The following SLC26A7 variants were observed in gnomAD, a reference collection of about 807,000 sequenced individuals.
SLC26A7 encodes the protein solute carrier family 26 member 7.
A neutral mutation model predicts 82.5 loss-of-function variants in SLC26A7; 59 were observed. The ratio of observed to expected loss-of-function variants is 0.72; its 90% CI spans 0.58 to 0.89. The LOEUF (loss-of-function observed/expected upper bound fraction) is 0.89. SLC26A7 is among the 40% of genes least tolerant of loss of function. The probability of loss-of-function intolerance (pLI) is 0.00; values close to 1 mark genes in which losing one functional copy is unlikely to be tolerated. For synonymous variants in SLC26A7, 271 were observed against 274.3 expected, an observed-to-expected ratio of 0.99 and a Z score of 0.12; for missense variants, 820 against 793.0, an observed-to-expected ratio of 1.03 and a Z score of -0.41.
intron 4 of SLC26A7, among the ~76,000 whole-genome samples, chr8:91,309,134 T>C (rs1327282317): frequency 6.6e-6 from 1 of 152,038 alleles, no homozygotes; most frequent in East Asian, 1.9e-4. Flanking sequence ...TATGTTTAAT[T>C]ATACAGCAAA....
chr8:91,266,619 A>G (rs1189398196), intron 2 of SLC26A7, among the ~76,000 whole-genome samples: 3 of 151,842 alleles, frequency 2.0e-5, no homozygotes, highest in African/African-American at 7.3e-5. Context: ...GAATTCATTT[A>G]TTAGTTCTAA....
At chr8:91,263,594 G>T (rs1338158407) in intron 2 of SLC26A7, among the ~76,000 whole-genome samples, 1 of 151,950 alleles carries the variant, frequency 6.6e-6, no homozygotes, top group Non-Finnish European at 1.5e-5. Flanking sequence ...CCTGTGTTGG[G>T]CCATAAGCTC....
chr8:91,393,881 T>C, intron 17 of SLC26A7, 30 bp downstream of exon 17: 3 of 1,613,472 alleles, frequency 1.9e-6, no homozygotes, highest in Non-Finnish European at 2.5e-6. Flanking sequence ...TAACGTTGAA[T>C]GTGATTTTTC....
intron 4 of SLC26A7, among the ~76,000 whole-genome samples, chr8:91,309,894 T>C (rs1812430382): frequency 6.6e-6 from 1 of 152,164 alleles, no homozygotes; most frequent in Admixed American, 6.5e-5. Flanking sequence ...TGGAGTCATA[T>C]GCATGCTAAC....
At chr8:91,330,624 T>G (rs759710486) in intron 5 of SLC26A7, among the ~76,000 whole-genome samples, 42 of 151,978 alleles carry the variant, frequency 2.8e-4, no homozygotes, top group Non-Finnish European at 5.1e-4. Flanking sequence ...CAAATAGAAA[T>G]GAGGTTATAA....
chr8:91,359,562 A>C (rs1234021120), intron 11 of SLC26A7, among the ~76,000 whole-genome samples: 2 of 152,198 alleles, frequency 1.3e-5, no homozygotes, highest in East Asian at 3.8e-4. Context: ...ATATGGTGTG[A>C]GAAAGGTGAC....
At chr8:91,389,597 A>T (rs1231258793) in intron 16 of SLC26A7, among the ~76,000 whole-genome samples, 159 bp downstream of exon 16, 1 of 152,102 alleles carries the variant, frequency 6.6e-6, no homozygotes, top group Non-Finnish European at 1.5e-5. Context: ...ATCACTGTAG[A>T]TTTGTTTTCA....
intron 4 of SLC26A7, among the ~76,000 whole-genome samples, chr8:91,299,291 A>G (rs905914327): frequency 3.3e-5 from 5 of 152,150 alleles, no homozygotes; most frequent in African/African-American, 1.2e-4. Context: ...ATGCAAATTT[A>G]AAAAATTGTG....
rs560349620 is a variant in SLC26A7 at position 91,302,466 on chromosome 8, T to C, written c.477+6763T>C. Among the ~76,000 whole-genome samples the C allele has an allele frequency of 5.9e-5, 9 of 152,246 alleles. No homozygotes were observed. In the South Asian group the frequency reaches 1.7e-3, roughly 28 times the overall value. ...TTCTCTGTTACCATTTGATTTATAT[T>C]GCTAGTATAAACAAAGTGCACTTAT... On this transcript the variant is annotated intron_variant, in intron 4 of 18. Coordinates refer to ENST00000276609, the MANE Select transcript of SLC26A7 (RefSeq NM_052832.4).
chr8:91,377,925 G>A (rs536468522), intron 15 of SLC26A7, among the ~76,000 whole-genome samples: 12 of 151,950 alleles, frequency 7.9e-5, no homozygotes, highest in Middle Eastern at 3.4e-3. Flanking sequence ...AAACTTTGAC[G>A]TAGTTTTTGA....
chr8:91,394,354 C>A lies in SLC26A7; in HGVS notation c.1935+315C>A. On this transcript the variant is annotated intron_variant, in intron 18 of 18. Transcript: ENST00000276609. The stretch of plus-strand genomic sequence containing the variant: ...CTTCCAGGATCTACTGTCCTGGGGA[C>A]TTGAATCCACCTTTCTCAAATATAA... The A allele has an allele frequency of 2.6e-6, 4 of 1,565,682 alleles. No homozygotes were observed. In the South Asian group the frequency reaches 3.5e-5, roughly 14 times the overall value.
chr8:91,322,499 GTTTAATTC>G (rs1812819949), intron 5 of SLC26A7, among the ~76,000 whole-genome samples: 1 of 152,074 alleles, frequency 6.6e-6, no homozygotes, highest in African/African-American at 2.4e-5. Flanking sequence ...AGAAGAAAAA[GTTTAATTC>G]TTATTTACAA....
Position 91,393,855 on chromosome 8 carries a change from A to G in SLC26A7, c.1831+4A>G. 6.2e-7 allele frequency: 1 copy of G among 1,613,686 alleles called. No individual in the cohort carries two copies. The highest frequency in any genetic ancestry group is 8.5e-7 in the Non-Finnish European group (1 of 1,179,614). On this transcript the variant is annotated splice_donor_region_variant and intron_variant, in intron 17 of 18. Transcript: ENST00000276609. ...GTATTGTTAGCCCATTGTACAGGTAAGAGAATGTCCCTGACTAACGTTGAA... is the reference window on the plus strand; with the variant it reads ...GTATTGTTAGCCCATTGTACAGGTAGGAGAATGTCCCTGACTAACGTTGAA...
intron 2 of SLC26A7, among the ~76,000 whole-genome samples, chr8:91,284,442 G>A (rs1811657103): frequency 6.6e-6 from 1 of 152,150 alleles, no homozygotes; most frequent in Non-Finnish European, 1.5e-5. Context: ...ATTAAATTGT[G>A]TTTCTTTTTG....
rs966188792 is a variant in SLC26A7 at position 91,249,561 on chromosome 8, C to T, written c.-91C>T. ...CAGCTTTGACATTGTAAACCACAGA[C>T]GAATTGGAGCTTGGCATTGAAAGGA... On this transcript the variant is annotated 5_prime_UTR_variant, in exon 2 of 19. The change creates a new upstream start codon in the 5' untranslated region. Coordinates refer to ENST00000276609, the MANE Select transcript of SLC26A7 (RefSeq NM_052832.4). 10 of 1,036,530 alleles carry T rather than the reference C, an allele frequency of 9.6e-6. No homozygotes were observed. The highest frequency in any genetic ancestry group is 1.3e-5 in the Non-Finnish European group (10 of 759,008). The allele number at this position is 1,036,530 out of a possible 1,614,324, so 64.2% of individuals were successfully genotyped here.
At chr8:91,228,831 A>G (rs764224740) in intron 2 of SLC26A7, among the ~76,000 whole-genome samples, 3 of 152,204 alleles carry the variant, frequency 2.0e-5, no homozygotes, top group Non-Finnish European at 4.4e-5. Flanking sequence ...TGCGTTTAAA[A>G]TGTTTTAAAA....
At chr8:91,296,244 A>G (rs1475963383) in intron 4 of SLC26A7, among the ~76,000 whole-genome samples, 1 of 152,214 alleles carries the variant, frequency 6.6e-6, no homozygotes, top group Admixed American at 6.5e-5. Context: ...GCTACAGTCT[A>G]TTTCTTCAAA....
At chr8:91,260,114 T>C (rs1006794738) in intron 2 of SLC26A7, among the ~76,000 whole-genome samples, 1 of 152,250 alleles carries the variant, frequency 6.6e-6, no homozygotes, top group South Asian at 2.1e-4. Flanking sequence ...AAGAAATACC[T>C]GAGACTGGGT....
upstream of SLC26A7, among the ~76,000 whole-genome samples, chr8:91,246,812 A>G (rs149288215): frequency 2.9e-3 from 438 of 152,252 alleles, 2 homozygotes; most frequent in African/African-American, 0.01. Context: ...TTCCCCGCAA[A>G]GGGAATGCCA....
Sources: allele counts gnomAD v4.1 joint callset (sites outside exome capture counted in the v4.1 genomes callset), GRCh38; gene constraint gnomAD v4.1.1; transcripts MANE v1.5; gene names NCBI Gene and HGNC (gene_info 2026-07-23, HGNC 2026-07-21).